Variants in RFTN1 observed in about 807,000 individuals in gnomAD.
The protein encoded by RFTN1 is raftlin, lipid raft linker 1.
RFTN1 carries 26 observed loss-of-function variants against 46.5 expected under a neutral mutation model. The observed-to-expected ratio is 0.56, with a 90% CI of 0.41 to 0.78. The LOEUF (loss-of-function observed/expected upper bound fraction) is 0.78, where lower values mean the gene tolerates loss of function less well. Ranked by LOEUF, RFTN1 falls within the 30% of genes least tolerant of loss-of-function variation. The probability of loss-of-function intolerance (pLI) is 0.00; values close to 1 mark genes in which losing one functional copy is unlikely to be tolerated. For missense variants in RFTN1, 693 were observed against 718.7 expected (o/e 0.96, Z 0.41); for synonymous variants, 261 against 284.2 (o/e 0.92, Z 0.82).
chr3:16,502,161 G>A (rs1361712945), intron 1 of RFTN1, among the ~76,000 whole-genome samples: 1 of 152,092 alleles, frequency 6.6e-6, no homozygotes, highest in Non-Finnish European at 1.5e-5. Flanking sequence ...GAGCCCAGGA[G>A]TTCAAGACTA....
rs1312614354 is a variant in RFTN1, at chr3:16,320,704, G to A, written c.1332+2672C>T. On this transcript the variant is annotated intron_variant, in intron 9 of 9. Transcript: ENST00000334133. This position sits in a 1 kb window ranked among gnomAD's most constrained non-coding sequence, Gnocchi z 4.5. ...GATGCTCGAGTAGAGCTAGAAAGGA[G>A]GAGAATGTCCTTGGCAGAGGGGACA... 2.0e-5 allele frequency among the ~76,000 whole-genome samples: 3 copies of A among 152,248 alleles called. No individual in the cohort carries two copies. Among genetic ancestry groups the A allele is most frequent in the Admixed American group, 1.3e-4 (2 of 15,286 alleles).
chr3:16,329,432 G>A lies in RFTN1; in HGVS notation c.1147-2556C>T, dbSNP rs74626224. ...GGAGAGAGAGGTACAAGAATAATCC[G>A]TTTACAGGTGGGGCCAGGAGAGAAT... On this transcript the variant is annotated intron_variant, in intron 7 of 9. Transcript: ENST00000334133. The surrounding 1 kb of genome is among the most constrained non-coding windows in gnomAD (Gnocchi z 4.5). Among the ~76,000 whole-genome samples, 21 of 152,318 alleles carry A rather than the reference G, an allele frequency of 1.4e-4. No individual in the cohort carries two copies. Among genetic ancestry groups the A allele is most frequent in the East Asian group, 7.7e-4 (4 of 5,190 alleles).
intron 7 of RFTN1, among the ~76,000 whole-genome samples, chr3:16,330,060 T>C (rs961971747): frequency 4.6e-5 from 7 of 152,154 alleles, no homozygotes; most frequent in African/African-American, 1.7e-4. Flanking sequence ...CCCAAACATT[T>C]TTTCCCCCTC....
At chr3:16,497,057 C>T (rs375522437) in intron 1 of RFTN1, among the ~76,000 whole-genome samples, 1 of 152,124 alleles carries the variant, frequency 6.6e-6, no homozygotes, top group East Asian at 1.9e-4. Flanking sequence ...AGCTGGGGTG[C>T]CAGTTACCCT....
chr3:16,478,904 G>A (rs2076324133), intron 2 of RFTN1, among the ~76,000 whole-genome samples: 1 of 152,208 alleles, frequency 6.6e-6, no homozygotes, highest in Non-Finnish European at 1.5e-5. Context: ...GCGGGAGAGT[G>A]CAAGATGGAA....
Position 16,480,803 on chromosome 3 carries a change from C to T in RFTN1, c.145+12922G>A, listed in dbSNP as rs1253861966. Among the ~76,000 whole-genome samples, 4 of 152,044 alleles carry T rather than the reference C, an allele frequency of 2.6e-5. No homozygotes were observed. Among genetic ancestry groups the T allele is most frequent in the East Asian group, 1.9e-4 (1 of 5,200 alleles). On this transcript the variant is annotated intron_variant, in intron 2 of 9. Transcript: ENST00000334133. This position sits in a 1 kb window ranked among gnomAD's most constrained non-coding sequence, Gnocchi z 4.3. ...TAGAATATTAACTTGTTTTCTGTTC[C>T]GCTTTAACCAAATTAGATAACAATT... is the stretch of plus-strand genomic sequence containing the variant.
chr3:16,484,858 A>C lies in RFTN1; in HGVS notation c.145+8867T>G, dbSNP rs2076422786. 1 of 152,178 alleles carries C rather than the reference A, an allele frequency of 6.6e-6. No homozygotes were observed. The highest frequency in any genetic ancestry group is 2.1e-4 in the South Asian group (1 of 4,834). 9.4% of individuals were successfully genotyped at this position (152,178 alleles called of 1,614,324 possible). On this transcript the variant is annotated intron_variant, in intron 2 of 9. Coordinates refer to ENST00000334133, the MANE Select transcript of RFTN1 (RefSeq NM_015150.2). This position sits in a 1 kb window ranked among gnomAD's most constrained non-coding sequence, Gnocchi z 4.6. The stretch of plus-strand genomic sequence containing the variant: ...ATAACTGCTCCAAACTCAATATCTC[A>C]ATTTATTCTTCTATACCGTGGGGGT...
In RFTN1 at chr3:16,322,101, G is replaced by A. The variant is rs1283714855; in HGVS notation, c.1332+1275C>T. Among the ~76,000 whole-genome samples, 2 of 152,212 alleles carry A rather than the reference G, an allele frequency of 1.3e-5. No individual in the cohort carries two copies. Among genetic ancestry groups the A allele is most frequent in the Non-Finnish European group, 2.9e-5 (2 of 68,048 alleles). ...CACTTGCTGAATGCATGCAGTTCCC[G>A]TGAGCCTGTGGCTGAGCTGAAACTG... On this transcript the variant is annotated intron_variant, in intron 9 of 9. Coordinates refer to ENST00000334133, the MANE Select transcript of RFTN1 (RefSeq NM_015150.2). The surrounding 1 kb of genome is among the most constrained non-coding windows in gnomAD (Gnocchi z 6.2).
Position 16,321,666 on chromosome 3 carries a change from T to C in RFTN1, c.1332+1710A>G, listed in dbSNP as rs1004057034. On this transcript the variant is annotated intron_variant, in intron 9 of 9. Coordinates refer to ENST00000334133, the MANE Select transcript of RFTN1 (RefSeq NM_015150.2). This position sits in a 1 kb window ranked among gnomAD's most constrained non-coding sequence, Gnocchi z 4.8. ...GAACAAGTGCTCCACACCAGTCACC[T>C]ACAGTCTTGGAATGAGGCAGGAAAT... Among the ~76,000 whole-genome samples, 7 of 152,084 alleles carry C rather than the reference T, an allele frequency of 4.6e-5. No homozygotes were observed. The highest frequency in any genetic ancestry group is 7.4e-5 in the Non-Finnish European group (5 of 68,012).
At position 16,356,875 on chromosome 3, in the gene RFTN1, C is replaced by T. The variant is rs188026292; in HGVS notation, c.1146+1057G>A. On this transcript the variant is annotated intron_variant, in intron 7 of 9. Coordinates refer to ENST00000334133, the MANE Select transcript of RFTN1 (RefSeq NM_015150.2). The surrounding 1 kb of genome is among the most constrained non-coding windows in gnomAD (Gnocchi z 4.9). ...TCACGCTGTAATCCCAGCACTTCAA[C>T]AGGCCAAGGCAGGCAGATCACTTGA... Among the ~76,000 whole-genome samples the T allele has an allele frequency of 3.7e-4, 56 of 152,284 alleles. No individual in the cohort carries two copies. In the East Asian group the frequency reaches 6.6e-3, roughly 18 times the overall value.
Position 16,352,724 on chromosome 3 carries a change from T to C in RFTN1, c.1146+5208A>G, listed in dbSNP as rs1180026884. 6.6e-6 allele frequency among the ~76,000 whole-genome samples: 1 copy of C among 152,346 alleles called. No individual in the cohort carries two copies. Among genetic ancestry groups the C allele is most frequent in the Non-Finnish European group, 1.5e-5 (1 of 68,024 alleles). ...GGCTTACTATGTGCCCAGTCCTACA[T>C]TCACAACTTTTTAATATATTTTCTC... is the stretch of plus-strand genomic sequence containing the variant. On this transcript the variant is annotated intron_variant, in intron 7 of 9. Transcript: ENST00000334133. The surrounding 1 kb of genome is among the most constrained non-coding windows in gnomAD (Gnocchi z 4.6).
intron 6 of RFTN1, among the ~76,000 whole-genome samples, chr3:16,366,092 A>G (rs1420136777): frequency 2.0e-5 from 3 of 152,240 alleles, no homozygotes; most frequent in Non-Finnish European, 4.4e-5. Context: ...CAGGGAAGGC[A>G]GGGCAAAGAG....
chr3:16,348,359 A>G lies in RFTN1; in HGVS notation c.1146+9573T>C, dbSNP rs2071874988. On this transcript the variant is annotated intron_variant, in intron 7 of 9. Coordinates refer to ENST00000334133, the MANE Select transcript of RFTN1 (RefSeq NM_015150.2). This position sits in a 1 kb window ranked among gnomAD's most constrained non-coding sequence, Gnocchi z 6.3. ...TCCACATTATCCAATATGTGTTCTA[A>G]TTATAAAAAAAAATTAATAGATGTG... 1.3e-5 allele frequency among the ~76,000 whole-genome samples: 2 copies of G among 148,284 alleles called. No homozygotes were observed. Among genetic ancestry groups the G allele is most frequent in the Admixed American group, 1.4e-4 (2 of 14,776 alleles).
Position 16,357,908 on chromosome 3 carries a change from C to T in RFTN1, c.1146+24G>A, listed in dbSNP as rs374964561. ...ACAAGTGCTGTCTAAACAAAAGAAG[C>T]GGGGCTGCCAACCCCACACTTACTT... On this transcript the variant is annotated intron_variant, in intron 7 of 9. Coordinates refer to ENST00000334133, the MANE Select transcript of RFTN1 (RefSeq NM_015150.2). 2.1e-4 allele frequency: 291 copies of T among 1,410,432 alleles called. 3 individuals are homozygous for T. Among genetic ancestry groups the T allele is most frequent in the South Asian group, 3.9e-4 (34 of 86,126 alleles). The allele number at this position is 1,410,432 out of a possible 1,614,324, so 87.4% of individuals were successfully genotyped here.
At chr3:16,430,250 A>C (rs146023459) in intron 3 of RFTN1, among the ~76,000 whole-genome samples, 3,283 of 152,160 alleles carry the variant, frequency 0.022, 128 homozygotes, top group African/African-American at 0.075. Context: ...AGCTGGGACT[A>C]CAGGCGTGCG....
At chr3:16,319,538 C>T (rs549618478) in intron 9 of RFTN1, among the ~76,000 whole-genome samples, 13 of 152,294 alleles carry the variant, frequency 8.5e-5, no homozygotes, top group Non-Finnish European at 1.6e-4. Flanking sequence ...GTGCAGTGTA[C>T]AACTGAGGAC....
Position 16,446,371 on chromosome 3 carries a change from T to G in RFTN1, c.146-12334A>C, listed in dbSNP as rs1252356239. ...CAATTTTAGGTACCGTTAGGGAAAT[T>G]CACATTGTCGTGCAACCATCACCAC... is the stretch of plus-strand genomic sequence containing the variant. On this transcript the variant is annotated intron_variant, in intron 2 of 9. Coordinates refer to ENST00000334133, the MANE Select transcript of RFTN1 (RefSeq NM_015150.2). The surrounding 1 kb of genome is among the most constrained non-coding windows in gnomAD (Gnocchi z 4.5). Among the ~76,000 whole-genome samples the G allele has an allele frequency of 2.0e-5, 3 of 151,932 alleles. No homozygotes were observed. The highest frequency in any genetic ancestry group is 2.0e-4 in the Admixed American group (3 of 15,256).
Position 16,480,778 on chromosome 3 carries a change from T to C in RFTN1, c.145+12947A>G, listed in dbSNP as rs2076353042. Among the ~76,000 whole-genome samples, 1 of 152,190 alleles carries C rather than the reference T, an allele frequency of 6.6e-6. No individual in the cohort carries two copies. The highest frequency in any genetic ancestry group is 2.1e-4 in the South Asian group (1 of 4,832). ...TGCTAATAATAATTAGTAGGGTGCA[T>C]AGAATATTAACTTGTTTTCTGTTCC... is the stretch of plus-strand genomic sequence containing the variant. On this transcript the variant is annotated intron_variant, in intron 2 of 9. Coordinates refer to ENST00000334133, the MANE Select transcript of RFTN1 (RefSeq NM_015150.2). This position sits in a 1 kb window ranked among gnomAD's most constrained non-coding sequence, Gnocchi z 4.3.
At position 16,316,803 on chromosome 3, in the gene RFTN1, A is replaced by G. The variant is rs975516338; in HGVS notation, c.*25T>C. 1.2e-6 allele frequency: 2 copies of G among 1,612,716 alleles called. No individual in the cohort carries two copies. The highest frequency in any genetic ancestry group is 2.7e-5 in the African/African-American group (2 of 74,898). ...ATGCCTTGGGTTTGGCAACTCACCTAGTTTTAGCACAAATTGCCCAAGACT... is the reference window on the plus strand; with the variant it reads ...ATGCCTTGGGTTTGGCAACTCACCTGGTTTTAGCACAAATTGCCCAAGACT... On this transcript the variant is annotated 3_prime_UTR_variant, in exon 10 of 10. Coordinates refer to ENST00000334133, the MANE Select transcript of RFTN1 (RefSeq NM_015150.2). This position sits in a 1 kb window ranked among gnomAD's most constrained non-coding sequence, Gnocchi z 4.5.
Sources: gnomAD v4.1 joint callset for allele counts (sites outside exome capture counted in the v4.1 genomes callset) on GRCh38, gnomAD v4.1.1 for gene constraint, Gnocchi (gnomAD v3.1) non-coding constraint, MANE v1.5 for transcripts, NCBI Gene and HGNC (gene_info 2026-07-23, HGNC 2026-07-21) for gene names.